The following EDA variants were observed in gnomAD, a reference collection of about 807,000 sequenced individuals.
EDA encodes ectodysplasin-A.
EDA carries 2 observed loss-of-function variants against 23.6 expected under a neutral mutation model. That is an observed-to-expected ratio of 0.08 (90% CI 0.03 to 0.27). The LOEUF is 0.27. EDA is among the 10% of genes least tolerant of loss of function. EDA has a pLI of 1.00. For synonymous variants in EDA, 131 were observed against 132.0 expected, an observed-to-expected ratio of 0.99 and a Z score of 0.05; for missense variants, 229 against 324.2, an observed-to-expected ratio of 0.71 and a Z score of 2.26.
intron 1 of EDA, among the ~76,000 whole-genome samples, chrX:69,878,101 TAC>T (rs1404321217): frequency 2.7e-5 from 3 of 112,364 alleles, no homozygotes; most frequent in African/African-American, 9.7e-5. Flanking sequence ...TTTGAAAAGA[TAC>T]AGTTTTATTA....
intron 3 of EDA, 70 bp from the exon 4 acceptor site, chrX:70,027,787 A>C (rs946416843): frequency 3.9e-4 from 205 of 527,477 alleles, no homozygotes; most frequent in Middle Eastern, 8.2e-4. Flanking sequence ...CGTGCCACTG[A>C]ACTCCAGCCT....
intron 1 of EDA, among the ~76,000 whole-genome samples, chrX:69,681,965 G>T (rs1412991354): frequency 9.1e-6 from 1 of 109,434 alleles, no homozygotes; most frequent in Admixed American, 9.8e-5. Flanking sequence ...ATCTACTTTT[G>T]GTCTTTGATG....
At chrX:69,852,521 G>A (rs921832589) in intron 1 of EDA, among the ~76,000 whole-genome samples, 1 of 111,721 alleles carries the variant, frequency 9.0e-6, no homozygotes, top group Non-Finnish European at 1.9e-5. Flanking sequence ...GCTACTATTT[G>A]GCATTTGTCT....
intron 1 of EDA, among the ~76,000 whole-genome samples, chrX:69,654,193 A>G (rs1348413195): frequency 8.9e-6 from 1 of 112,221 alleles, no homozygotes; most frequent in Non-Finnish European, 1.9e-5. Context: ...AACACATGAA[A>G]AAATGCTCAT....
chrX:69,756,862 G>A (rs1423180505), intron 1 of EDA: 2 of 111,577 alleles, frequency 1.8e-5, no homozygotes, highest in African/African-American at 3.3e-5. Context: ...CTGGTCTTAT[G>A]TCTGCTTTGC....
At chrX:69,651,755 A>G (rs1040222722) in intron 1 of EDA, among the ~76,000 whole-genome samples, 4 of 111,076 alleles carry the variant, frequency 3.6e-5, no homozygotes, top group Non-Finnish European at 7.5e-5. Flanking sequence ...CAGGAGAGAG[A>G]TGCAATAAAC....
chrX:69,666,881 A>G (rs1433680368), intron 1 of EDA, among the ~76,000 whole-genome samples: 1 of 110,767 alleles, frequency 9.0e-6, no homozygotes, highest in Non-Finnish European at 1.9e-5. Context: ...TTCTTCTTTG[A>G]GTGTTTGGTA....
chrX:69,824,499 T>C (rs1212374631), intron 1 of EDA, among the ~76,000 whole-genome samples: 2 of 110,840 alleles, frequency 1.8e-5, no homozygotes, highest in African/African-American at 6.6e-5. Context: ...GCTCTCTGTT[T>C]GTCTGCTGTT....
intron 1 of EDA, among the ~76,000 whole-genome samples, chrX:69,845,026 G>A (rs751673319): frequency 4.5e-5 from 5 of 112,334 alleles, no homozygotes; most frequent in Non-Finnish European, 7.5e-5. Context: ...TGGTAACCTC[G>A]TAAACTTGGC....
intron 1 of EDA, among the ~76,000 whole-genome samples, chrX:69,824,129 T>C (rs371155231): frequency 8.4e-5 from 9 of 107,257 alleles, no homozygotes; most frequent in African/African-American, 3.1e-4. Flanking sequence ...AGTCAGGTAG[T>C]GTGATGCCTC....
chrX:69,667,933 A>G (rs192242508), intron 1 of EDA, among the ~76,000 whole-genome samples: 94 of 111,596 alleles, frequency 8.4e-4, no homozygotes, highest in Non-Finnish European at 1.4e-3. Flanking sequence ...CACAATAACT[A>G]ATTCACTCTC....
intron 1 of EDA, among the ~76,000 whole-genome samples, chrX:69,783,560 A>T (rs1480245136): frequency 1.8e-5 from 2 of 109,312 alleles, no homozygotes; most frequent in Non-Finnish European, 3.8e-5. Flanking sequence ...TTCTTGTGAT[A>T]GTTTACTGAG....
At chrX:69,689,726 G>T (rs1934653822) in intron 1 of EDA, among the ~76,000 whole-genome samples, 1 of 111,224 alleles carries the variant, frequency 9.0e-6, no homozygotes, top group African/African-American at 3.3e-5. Context: ...ATTTTGATAA[G>T]GTTGTGTTTA....
chrX:69,686,489 G>T (rs1275277391), intron 1 of EDA, among the ~76,000 whole-genome samples: 1 of 111,657 alleles, frequency 9.0e-6, no homozygotes, highest in Non-Finnish European at 1.9e-5. Flanking sequence ...TAATTCATTG[G>T]TTTTTAGTAC....
Position 69,968,000 on chromosome X carries a change from G to A in EDA, c.502+10868G>A, listed in dbSNP as rs549787997. 4.5e-5 allele frequency among the ~76,000 whole-genome samples: 5 copies of A among 111,641 alleles called. No homozygotes were observed. The South Asian group carries it at 1.9e-3, about 42-fold the overall frequency. On this transcript the variant is annotated intron_variant, in intron 2 of 7. Coordinates refer to ENST00000374552, the MANE Select transcript of EDA (RefSeq NM_001399.5). ...ATATAAACAAAAGAGAGGAGGAGAA[G>A]AGAGGAATAGCTAGAGATTCATTAA...
At chrX:69,778,933 A>G (rs1236683590) in intron 1 of EDA, among the ~76,000 whole-genome samples, 1 of 111,833 alleles carries the variant, frequency 8.9e-6, no homozygotes, top group Non-Finnish European at 1.9e-5. Context: ...GATTTCTGTC[A>G]CAACTACTCA....
chrX:70,020,097 A>G (rs866378539), intron 2 of EDA, among the ~76,000 whole-genome samples: 4 of 112,305 alleles, frequency 3.6e-5, no homozygotes, highest in Non-Finnish European at 7.5e-5. Context: ...TACCTATAAT[A>G]TCACATTAGG....
chrX:70,025,832 C>A (rs2020099151), intron 3 of EDA, among the ~76,000 whole-genome samples: 1 of 112,123 alleles, frequency 8.9e-6, no homozygotes, highest in Non-Finnish European at 1.9e-5. Context: ...GTCTTTAAGG[C>A]TACAGGGACT....
intron 1 of EDA, chrX:69,756,771 C>T (rs1461480664): frequency 8.9e-6 from 1 of 111,834 alleles, no homozygotes. Flanking sequence ...CTGCAATGGA[C>T]TACATTACTA....
Sources: allele counts gnomAD v4.1 joint callset (sites outside exome capture counted in the v4.1 genomes callset), GRCh38; gene constraint gnomAD v4.1.1; transcripts MANE v1.5; gene names NCBI Gene and HGNC (gene_info 2026-07-23, HGNC 2026-07-21).